Variants in EXOC4 observed in about 807,000 individuals in gnomAD.
The protein encoded by EXOC4 is SEC8-like 1.
A neutral mutation model predicts 107.2 loss-of-function variants in EXOC4; 71 were observed. The ratio of observed to expected loss-of-function variants is 0.66; its 90% CI spans 0.55 to 0.81. The LOEUF is 0.81. EXOC4 is among the 30% of genes least tolerant of loss of function. The pLI, the probability that EXOC4 is intolerant of heterozygous loss-of-function variation, is 0.00. For missense variants in EXOC4, 1,108 were observed against 1,189.6 expected (o/e 0.93, Z 1.01); for synonymous variants, 456 against 441.2 (o/e 1.03, Z -0.42).
In EXOC4 at chr7:133,805,677, TA is replaced by T. The variant is rs201048861; in HGVS notation, c.1515-11647del. On this transcript the variant is annotated intron_variant, in intron 10 of 17. Transcript: ENST00000253861. ...GGACAAGTGACAGTCAGGAAGGAGA[TA>T]GGGGGACAGTGTTCTAAATAAACGA... is the stretch of plus-strand genomic sequence containing the variant. Among the ~76,000 whole-genome samples the T allele has an allele frequency of 2.4e-3, 363 of 152,094 alleles. 5 individuals carry two copies. Among genetic ancestry groups the T allele is most frequent in the African/African-American group, 8.1e-3 (338 of 41,488 alleles).
chr7:134,010,849 A>G (rs1300794207), intron 17 of EXOC4, among the ~76,000 whole-genome samples: 3 of 152,212 alleles, frequency 2.0e-5, no homozygotes, highest in African/African-American at 7.2e-5. Context: ...GAAATGAAGG[A>G]TCTGGAGGGA....
chr7:133,670,429 G>T (rs1037663862), intron 10 of EXOC4, among the ~76,000 whole-genome samples: 5 of 152,176 alleles, frequency 3.3e-5, no homozygotes, highest in Non-Finnish European at 7.3e-5. Context: ...TTCCATGTGT[G>T]ACTGCATGCT....
At chr7:133,458,100 T>A (rs906899179) in intron 7 of EXOC4, among the ~76,000 whole-genome samples, 1 of 152,220 alleles carries the variant, frequency 6.6e-6, no homozygotes, top group Non-Finnish European at 1.5e-5. Context: ...GATATCACAC[T>A]ACAAATATTT....
chr7:133,935,211 C>G (rs1563063076), intron 13 of EXOC4, among the ~76,000 whole-genome samples: 2 of 151,832 alleles, frequency 1.3e-5, no homozygotes, highest in African/African-American at 4.8e-5. Flanking sequence ...CTACTGCAGC[C>G]CCAGTTGCCG....
rs1422027594 is a variant in EXOC4, at chr7:133,857,390, G to A, written c.1735-38209G>A. On this transcript the variant is annotated intron_variant, in intron 11 of 17. Transcript: ENST00000253861. ...ATTTTACCTCTACTTAACCTCCCTG[G>A]ATGATTGTCTTAGTGTCACAGGATC... 4.0e-5 allele frequency among the ~76,000 whole-genome samples: 4 copies of A among 99,820 alleles called. No homozygotes were observed. The East Asian group carries it at 9.6e-4, about 24-fold the overall frequency. The allele number at this position is 99,820 out of a possible 152,430, so 65.5% of individuals were successfully genotyped here. A position where few individuals can be genotyped will look rare whatever the true frequency, so the allele number is the denominator to read the frequency against.
Position 134,064,331 on chromosome 7 carries a change from C to T in EXOC4, c.2728C>T (p.Leu910=). ...EMLYNTADEL[L]NLVVDQGVKY... is the part of the protein sequence containing the mutation. ...GCTTTACAACACAGCTGACGAGCTC[C>T]TGAACCTGGTGGTGGACCAGGGTGT... The change falls in exon 18 of 18, where the codon CTG becomes TTG. Residue 910 remains leucine, a synonymous_variant. Coordinates refer to ENST00000253861, the MANE Select transcript of EXOC4 (RefSeq NM_021807.4). 2 of 1,513,828 alleles carry T rather than the reference C, an allele frequency of 1.3e-6. No individual in the cohort carries two copies. Among genetic ancestry groups the T allele is most frequent in the South Asian group, 2.6e-5 (2 of 78,082 alleles). The allele number at this position is 1,513,828 out of a possible 1,614,324, so 93.8% of individuals were successfully genotyped here.
intron 10 of EXOC4, among the ~76,000 whole-genome samples, chr7:133,697,041 A>G (rs2151083141): frequency 6.6e-6 from 1 of 152,310 alleles, no homozygotes; most frequent in Non-Finnish European, 1.5e-5. Context: ...GGGAACTTTG[A>G]AAGAGGCTCT....
chr7:133,998,138 A>C (rs1455610744), intron 15 of EXOC4, among the ~76,000 whole-genome samples: 1 of 152,216 alleles, frequency 6.6e-6, no homozygotes, highest in East Asian at 1.9e-4. Flanking sequence ...AAACAGGTAA[A>C]AGAATTATAC....
At chr7:133,832,486 T>C (rs7798793) in intron 11 of EXOC4, among the ~76,000 whole-genome samples, 3,760 of 152,320 alleles carry the variant, frequency 0.025, 165 homozygotes, top group African/African-American at 0.086. Flanking sequence ...AGACTCTGGC[T>C]GTCACTGATT....
At chr7:133,791,474 G>A (rs1796702408) in intron 10 of EXOC4, among the ~76,000 whole-genome samples, 1 of 152,158 alleles carries the variant, frequency 6.6e-6, no homozygotes, top group African/African-American at 2.4e-5. Context: ...TTGGTTGGAT[G>A]GTTGAACAAA....
At chr7:133,948,075 G>C (rs1023230020) in intron 14 of EXOC4, among the ~76,000 whole-genome samples, 1 of 152,172 alleles carries the variant, frequency 6.6e-6, no homozygotes, top group African/African-American at 2.4e-5. Context: ...AGGAGGAGCG[G>C]CTGCTGCAGC....
intron 10 of EXOC4, among the ~76,000 whole-genome samples, chr7:133,655,048 G>C (rs1281798610): frequency 6.6e-6 from 1 of 152,070 alleles, no homozygotes; most frequent in East Asian, 1.9e-4. Flanking sequence ...TGAATGTGAA[G>C]GTCTAGGATA....
intron 7 of EXOC4, among the ~76,000 whole-genome samples, chr7:133,439,638 C>T (rs1187237732): frequency 6.6e-6 from 1 of 152,186 alleles, no homozygotes; most frequent in East Asian, 1.9e-4. Flanking sequence ...TGATACCACA[C>T]AAAGCTACCT....
intron 11 of EXOC4, among the ~76,000 whole-genome samples, chr7:133,838,121 A>T (rs1018648266): frequency 2.0e-5 from 3 of 152,170 alleles, no homozygotes; most frequent in Admixed American, 1.3e-4. Flanking sequence ...TTACACAGGG[A>T]GAATGGAGTA....
chr7:133,407,006 T>A (rs1797235206), intron 7 of EXOC4, among the ~76,000 whole-genome samples: 1 of 152,206 alleles, frequency 6.6e-6, no homozygotes, highest in Non-Finnish European at 1.5e-5. Context: ...AGAACTTCAG[T>A]TAGGTTCCTC....
the EXOC4 span, among the ~76,000 whole-genome samples, chr7:134,089,690 G>A: frequency 2.6e-5 from 4 of 152,102 alleles, no homozygotes; most frequent in South Asian, 2.1e-4. Flanking sequence ...GACTATCTAC[G>A]ACATACTTTG....
intron 3 of EXOC4, among the ~76,000 whole-genome samples, chr7:133,299,576 A>G (rs1371042820): frequency 2.0e-5 from 3 of 152,214 alleles, no homozygotes; most frequent in Non-Finnish European, 2.9e-5. Context: ...TCCGCATTTC[A>G]TGGTAGTAAT....
At chr7:133,825,003 G>A (rs907857230) in intron 11 of EXOC4, among the ~76,000 whole-genome samples, 2 of 151,992 alleles carry the variant, frequency 1.3e-5, no homozygotes, top group Admixed American at 6.6e-5. Context: ...GAATGCAATC[G>A]ATTCAGTTTG....
intron 3 of EXOC4, among the ~76,000 whole-genome samples, chr7:133,302,112 C>T (rs1274042368): frequency 1.3e-5 from 2 of 152,076 alleles, no homozygotes; most frequent in Non-Finnish European, 2.9e-5. Context: ...TGATTATATA[C>T]ATTTTAACTG....
Sources: allele counts gnomAD v4.1 joint callset (sites outside exome capture counted in the v4.1 genomes callset), GRCh38; gene constraint gnomAD v4.1.1; transcripts MANE v1.5; gene names NCBI Gene and HGNC (gene_info 2026-07-23, HGNC 2026-07-21).